The following IL1RAPL1 variants were observed in gnomAD, a reference collection of about 807,000 sequenced individuals.
IL1RAPL1 encodes interleukin-1 receptor accessory protein-like 1.
Under a neutral mutation model 48.4 loss-of-function variants are expected in IL1RAPL1, and 3 were observed. That is an observed-to-expected ratio of 0.06 (90% CI 0.03 to 0.16). The LOEUF (loss-of-function observed/expected upper bound fraction) is 0.16. Ranked by LOEUF, IL1RAPL1 falls within the 10% of genes least tolerant of loss-of-function variation. The pLI, the probability that IL1RAPL1 is intolerant of heterozygous loss-of-function variation, is 1.00. For synonymous variants in IL1RAPL1, 185 were observed against 187.7 expected (o/e 0.99, Z 0.12); for missense variants, 349 against 530.6 (o/e 0.66, Z 3.36).
chrX:29,225,673 T>C (rs1413466831), intron 2 of IL1RAPL1, among the ~76,000 whole-genome samples: 1 of 111,275 alleles, frequency 9.0e-6, no homozygotes, highest in Non-Finnish European at 1.9e-5. Flanking sequence ...GAGAATGTGA[T>C]TGGGCTGGTT....
At chrX:29,168,793 G>A in intron 2 of IL1RAPL1, among the ~76,000 whole-genome samples, 1 of 91,922 alleles carries the variant, frequency 1.1e-5, no homozygotes, top group Non-Finnish European at 2.1e-5. Context: ...ATATTCATAT[G>A]TACAATTGTA....
intron 5 of IL1RAPL1, among the ~76,000 whole-genome samples, chrX:29,475,697 TA>T (rs1193623269): frequency 8.9e-6 from 1 of 112,039 alleles, no homozygotes; most frequent in Non-Finnish European, 1.9e-5. Flanking sequence ...TATGCGTTCC[TA>T]CAACATATGG....
At position 28,608,319 on chromosome X, in the gene IL1RAPL1, T is replaced by C. The variant is rs1354787210; in HGVS notation, c.-25+20272T>C. ...GAGCTGGTAGCAGCCAGTGATGCAATGTACACATTGAAAGTGCCATAAATT... is the reference window on the plus strand; with the variant it reads ...GAGCTGGTAGCAGCCAGTGATGCAACGTACACATTGAAAGTGCCATAAATT... On this transcript the variant is annotated intron_variant, in intron 1 of 10. Coordinates refer to ENST00000378993, the MANE Select transcript of IL1RAPL1 (RefSeq NM_014271.4). 9.8e-5 allele frequency among the ~76,000 whole-genome samples: 11 copies of C among 111,786 alleles called. No individual in the cohort carries two copies. In the Admixed American group the frequency reaches 1.1e-3, roughly 11 times the overall value.
chrX:28,745,645 C>A (rs1469397089), intron 1 of IL1RAPL1, among the ~76,000 whole-genome samples: 3 of 111,261 alleles, frequency 2.7e-5, no homozygotes, highest in Non-Finnish European at 5.7e-5. Context: ...GAGCATGGGA[C>A]TGAATGAAAT....
intron 1 of IL1RAPL1, among the ~76,000 whole-genome samples, chrX:28,650,701 T>C (rs1191941337): frequency 8.9e-6 from 1 of 111,782 alleles, no homozygotes; most frequent in Admixed American, 9.5e-5. Flanking sequence ...TATGCAACTT[T>C]ATTAGAAGAG....
chrX:28,970,714 C>CT (rs999573824), intron 2 of IL1RAPL1, among the ~76,000 whole-genome samples: 1 of 111,474 alleles, frequency 9.0e-6, no homozygotes, highest in Non-Finnish European at 1.9e-5. Context: ...AAAATTTATC[C>CT]TTTTTAAAAA....
intron 5 of IL1RAPL1, among the ~76,000 whole-genome samples, chrX:29,534,127 C>T (rs911967964): frequency 1.8e-5 from 2 of 111,790 alleles, no homozygotes; most frequent in Non-Finnish European, 3.8e-5. Flanking sequence ...GCCAAATAAA[C>T]TTATTTTCTC....
chrX:29,187,103 C>T (rs1381969266), intron 2 of IL1RAPL1, among the ~76,000 whole-genome samples: 1 of 111,458 alleles, frequency 9.0e-6, no homozygotes. Flanking sequence ...GCATATGTAT[C>T]CCTGAACTTA....
chrX:29,277,521 T>A (rs1932138424), intron 2 of IL1RAPL1, among the ~76,000 whole-genome samples: 1 of 111,924 alleles, frequency 8.9e-6, no homozygotes, highest in African/African-American at 3.2e-5. Context: ...GCAACCCTTA[T>A]GAAGACTTTT....
chrX:28,709,138 G>A (rs1362612636), intron 1 of IL1RAPL1, among the ~76,000 whole-genome samples: 1 of 112,097 alleles, frequency 8.9e-6, no homozygotes, highest in Admixed American at 9.5e-5. Context: ...TAATTATAAT[G>A]CATAAACTCG....
intron 1 of IL1RAPL1, among the ~76,000 whole-genome samples, chrX:28,724,824 C>G (rs1195908080): frequency 9.1e-6 from 1 of 110,364 alleles, no homozygotes; most frequent in Non-Finnish European, 1.9e-5. Context: ...TTTTGTGTTT[C>G]TATGGAAAAA....
At chrX:29,443,080 T>G (rs1934567298) in intron 5 of IL1RAPL1, among the ~76,000 whole-genome samples, 1 of 111,236 alleles carries the variant, frequency 9.0e-6, no homozygotes, top group Middle Eastern at 4.6e-3. Context: ...CCTTAGCAAG[T>G]TTTTGTTCTT....
At chrX:29,151,842 A>G (rs1929473301) in intron 2 of IL1RAPL1, among the ~76,000 whole-genome samples, 2 of 111,234 alleles carry the variant, frequency 1.8e-5, no homozygotes, top group African/African-American at 6.5e-5. Flanking sequence ...AAGGACTTAG[A>G]TATGAAAGTT....
Position 28,789,767 on chromosome X carries a change from G to A in IL1RAPL1, c.82+342G>A, listed in dbSNP as rs571077640. ...ATGGAAATATTATTGTATCTTTGAT[G>A]TTAACTTTTATTGTTACCATTTTGA... On this transcript the variant is annotated intron_variant, in intron 2 of 10. Transcript: ENST00000378993. Among the ~76,000 whole-genome samples, 37 of 111,996 alleles carry A rather than the reference G, an allele frequency of 3.3e-4. 1 individual carries two copies. In the South Asian group the frequency reaches 0.013, roughly 39 times the overall value.
intron 1 of IL1RAPL1, among the ~76,000 whole-genome samples, chrX:28,705,183 C>T (rs1245254205): frequency 3.6e-5 from 4 of 111,198 alleles, no homozygotes; most frequent in Non-Finnish European, 5.6e-5. Context: ...TATATTTTGG[C>T]AACAGAGGCA....
chrX:29,835,877 C>CTTTTTTTTTTTTTTTTTTTTTTATTTTTT (rs763080058), intron 6 of IL1RAPL1, among the ~76,000 whole-genome samples: 1 of 50,468 alleles, frequency 2.0e-5, no homozygotes, highest in African/African-American at 9.5e-5. Flanking sequence ...TTTGAGTCTT[C>CTTTTTTTTTTTTTTTTTTTTTTATTTTTT]TTTTTTTTTT....
At chrX:29,118,188 C>T (rs762914723) in intron 2 of IL1RAPL1, among the ~76,000 whole-genome samples, 1 of 112,213 alleles carries the variant, frequency 8.9e-6, no homozygotes, top group African/African-American at 3.2e-5. Flanking sequence ...AATGTGTTCT[C>T]TCTATGCTTA....
intron 1 of IL1RAPL1, among the ~76,000 whole-genome samples, chrX:28,608,892 GA>G (rs939353744): frequency 3.6e-5 from 4 of 110,747 alleles, no homozygotes; most frequent in African/African-American, 6.5e-5. Context: ...AAATGATTTG[GA>G]AAAAAAAGAT....
chrX:29,297,861 C>G (rs1210133175), intron 3 of IL1RAPL1, among the ~76,000 whole-genome samples: 1 of 111,449 alleles, frequency 9.0e-6, no homozygotes, highest in Non-Finnish European at 1.9e-5. Context: ...TTTTTTCAAT[C>G]CATTCATTTC....
Sources: gnomAD v4.1 joint callset for allele counts (sites outside exome capture counted in the v4.1 genomes callset) on GRCh38, gnomAD v4.1.1 for gene constraint, MANE v1.5 for transcripts, NCBI Gene and HGNC (gene_info 2026-07-23, HGNC 2026-07-21) for gene names.